The following KPNA1 variants were observed in gnomAD, a reference collection of about 807,000 sequenced individuals.
KPNA1 encodes importin subunit alpha-5.
KPNA1 carries 10 observed loss-of-function variants against 70.5 expected under a neutral mutation model. The observed-to-expected ratio is 0.14, with a 90% CI of 0.09 to 0.24. KPNA1 has a LOEUF of 0.24. Ranked by LOEUF, KPNA1 falls within the 10% of genes least tolerant of loss-of-function variation. The probability of loss-of-function intolerance (pLI) is 1.00; values close to 1 mark genes in which losing one functional copy is unlikely to be tolerated. For synonymous variants in KPNA1, 192 were observed against 221.9 expected (o/e 0.87, Z 1.20); for missense variants, 397 against 637.9 (o/e 0.62, Z 4.07).
chr3:122,451,588 T>A lies in KPNA1; in HGVS notation c.699A>T (p.Val233=), dbSNP rs747355735. 6.8e-6 allele frequency: 11 copies of A among 1,613,988 alleles called. No homozygotes were observed. Among genetic ancestry groups the A allele is most frequent in the Non-Finnish European group, 9.3e-6 (11 of 1,179,998 alleles). Residue 233 remains valine, a synonymous_variant, in exon 8 of 14, where the codon GTA becomes GTT. Coordinates refer to ENST00000344337, the MANE Select transcript of KPNA1 (RefSeq NM_002264.4). ...QNRLTMTRNA[V]WALSNLCRGK... Reference sequence around the variant, plus strand: ...CTCTACAGAGATTAGACAAAGCCCATACTGCATTCCGGGTCATGGTCAGGC... The same window carrying A: ...CTCTACAGAGATTAGACAAAGCCCAAACTGCATTCCGGGTCATGGTCAGGC...
rs375246272 is a variant in KPNA1 at position 122,461,365 on chromosome 3, T to A, written c.338-47A>T. ...GAAAAAAAAAATCCTTTGATTTCAA[T>A]GCAAGAACTTAACAGCTCAAAACTT... On this transcript the variant is annotated intron_variant, in intron 4 of 13. Transcript: ENST00000344337. The A allele has an allele frequency of 3.3e-5, 44 of 1,313,470 alleles. No individual in the cohort carries two copies. The African/African-American group carries it at 6.2e-4, about 18-fold the overall frequency. 81.4% of individuals were successfully genotyped at this position (1,313,470 alleles called of 1,614,324 possible).
intron 2 of KPNA1, among the ~76,000 whole-genome samples, chr3:122,489,948 A>G (rs2076678837): frequency 6.6e-6 from 1 of 152,220 alleles, no homozygotes; most frequent in African/African-American, 2.4e-5. Flanking sequence ...TACTGAGGCA[A>G]GGCTCTCCTG....
At chr3:122,480,848 G>T (rs1352950193) in intron 2 of KPNA1, among the ~76,000 whole-genome samples, 3 of 152,078 alleles carry the variant, frequency 2.0e-5, no homozygotes, top group Non-Finnish European at 4.4e-5. Flanking sequence ...AATTAGCTAG[G>T]CATGGTGGCG....
In KPNA1 at chr3:122,437,193, C is replaced by T; in HGVS notation, c.1099G>A (p.Ala367Thr). ...ACCTGGATCTGTGCCCTATTTCCAG[C>T]TGTAATATTAGATATCGTCCAACAT... is the stretch of plus-strand genomic sequence containing the variant. The part of the protein sequence containing the change: ...EACWTISNIT[A>T]GNRAQIQTVI... The change falls in exon 11 of 14, where the codon GCT (alanine) becomes ACT (threonine). Residue 367 changes from alanine to threonine, a missense_variant. Coordinates refer to ENST00000344337, the MANE Select transcript of KPNA1 (RefSeq NM_002264.4). The T allele has an allele frequency of 6.2e-7, 1 of 1,613,888 alleles. No individual in the cohort carries two copies. The highest frequency in any genetic ancestry group is 8.5e-7 in the Non-Finnish European group (1 of 1,179,892).
chr3:122,492,232 C>A (rs1178471636), intron 2 of KPNA1, among the ~76,000 whole-genome samples: 1 of 152,174 alleles, frequency 6.6e-6, no homozygotes, highest in African/African-American at 2.4e-5. Flanking sequence ...TGTGTCACAG[C>A]GTGCCAGTAC....
intron 5 of KPNA1, among the ~76,000 whole-genome samples, chr3:122,456,739 C>CTT (rs1479796813): frequency 2.0e-5 from 3 of 152,182 alleles, no homozygotes; most frequent in Admixed American, 2.0e-4. Context: ...GCCAGTTATG[C>CTT]TTATCACTAA....
chr3:122,501,692 T>C (rs551029966), intron 1 of KPNA1, among the ~76,000 whole-genome samples: 1 of 152,310 alleles, frequency 6.6e-6, no homozygotes, highest in East Asian at 1.9e-4. Context: ...TGAAAATACA[T>C]ATTTTTGACT....
intron 2 of KPNA1, among the ~76,000 whole-genome samples, chr3:122,488,840 A>G (rs947569704): frequency 6.6e-6 from 1 of 152,262 alleles, no homozygotes; most frequent in Non-Finnish European, 1.5e-5. Flanking sequence ...TGGCTATGAT[A>G]TGCCATGACG....
chr3:122,484,644 A>G (rs1042141694), intron 2 of KPNA1, among the ~76,000 whole-genome samples: 3 of 151,836 alleles, frequency 2.0e-5, no homozygotes, highest in African/African-American at 4.8e-5. Flanking sequence ...CTCCGTCTCA[A>G]AAAAAAATAA....
chr3:122,428,306 A>AT (rs1483002509), intron 12 of KPNA1, among the ~76,000 whole-genome samples: 1 of 152,336 alleles, frequency 6.6e-6, no homozygotes, highest in African/African-American at 2.4e-5. Context: ...TAGTCATGTC[A>AT]TTTTTTATCA....
chr3:122,490,497 T>A (rs2076685812), intron 2 of KPNA1, among the ~76,000 whole-genome samples: 1 of 152,220 alleles, frequency 6.6e-6, no homozygotes, highest in Admixed American at 6.5e-5. Context: ...AGCAGAAGTC[T>A]TTATAACCTT....
chr3:122,508,130 A>AT (rs936659784), intron 1 of KPNA1, among the ~76,000 whole-genome samples: 32 of 151,906 alleles, frequency 2.1e-4, no homozygotes, highest in Non-Finnish European at 2.4e-4. Flanking sequence ...TTATAAAGAA[A>AT]TTTTTTTTTC....
At chr3:122,511,154 T>C (rs575606352) in intron 1 of KPNA1, among the ~76,000 whole-genome samples, 2 of 152,196 alleles carry the variant, frequency 1.3e-5, no homozygotes, top group Non-Finnish European at 2.9e-5. Context: ...GACCCATCAA[T>C]AGATGTCAGA....
At chr3:122,441,618 T>G (rs2076063341) in intron 10 of KPNA1, among the ~76,000 whole-genome samples, 1 of 152,172 alleles carries the variant, frequency 6.6e-6, no homozygotes, top group Admixed American at 6.5e-5. Flanking sequence ...TTTTTTTCTT[T>G]GAGCTGGAGT....
chr3:122,437,750 T>C (rs1304269543), intron 10 of KPNA1, among the ~76,000 whole-genome samples: 1 of 152,100 alleles, frequency 6.6e-6, no homozygotes, highest in Non-Finnish European at 1.5e-5. Flanking sequence ...AGATATGACC[T>C]CAGCTATCAG....
intron 9 of KPNA1, among the ~76,000 whole-genome samples, chr3:122,445,151 C>A (rs2076119948): frequency 6.6e-6 from 1 of 152,112 alleles, no homozygotes; most frequent in South Asian, 2.1e-4. Context: ...AAGCTAAAAA[C>A]CTTGAACAAA....
intron 1 of KPNA1, among the ~76,000 whole-genome samples, chr3:122,512,766 T>C (rs1217333223): frequency 6.6e-6 from 1 of 152,240 alleles, no homozygotes; most frequent in Non-Finnish European, 1.5e-5. Context: ...AGTATAGTGA[T>C]TTCAGGTGAT....
At chr3:122,469,323 A>T (rs898460337) in intron 2 of KPNA1, among the ~76,000 whole-genome samples, 1 of 152,164 alleles carries the variant, frequency 6.6e-6, no homozygotes, top group African/African-American at 2.4e-5. Context: ...AACCTCCACG[A>T]GCAGGAGACA....
At chr3:122,457,895 A>G (rs1278577812) in intron 5 of KPNA1, 1 of 1,281,336 alleles carries the variant, frequency 7.8e-7, no homozygotes. Flanking sequence ...AAATAAACCC[A>G]GATAGCAAAC....
Sources: allele counts gnomAD v4.1 joint callset (sites outside exome capture counted in the v4.1 genomes callset), GRCh38; gene constraint gnomAD v4.1.1; transcripts MANE v1.5; gene names NCBI Gene and HGNC (gene_info 2026-07-23, HGNC 2026-07-21).